The following WNT10A variants were observed in gnomAD, a reference collection of about 807,000 sequenced individuals.
WNT10A encodes protein Wnt-10a.
In WNT10A, 37 loss-of-function variants were observed where a neutral mutation model predicts 36.1. The ratio of observed to expected loss-of-function variants is 1.02; its 90% CI spans 0.79 to 1.35. WNT10A has a LOEUF of 1.35. Ranked by LOEUF, WNT10A falls within the 40% of genes most tolerant of loss-of-function variation. The probability of loss-of-function intolerance (pLI) is 0.00; values close to 1 mark genes in which losing one functional copy is unlikely to be tolerated. For synonymous variants in WNT10A, 255 were observed against 254.1 expected, an observed-to-expected ratio of 1.00 and a Z score of -0.03; for missense variants, 613 against 601.4, an observed-to-expected ratio of 1.02 and a Z score of -0.20.
At position 218,881,084 on chromosome 2, in the gene WNT10A, T is replaced by C. The variant is rs1384152431; in HGVS notation, c.89T>C (p.Leu30Pro). The change falls in exon 1 of 4, where the codon CTG (leucine) becomes CCG (proline). Residue 30 changes from leucine (L) to proline (P), a missense_variant. Leu to Pro is a moderately conservative substitution (Grantham distance 98). Transcript: ENST00000258411. ...CTCTGGGTGCTCCTGTTCTTCCTAC[T>C]GCTGCTGGCTGCTGCCATGCCCAGG... ...PALWVLLFFLLLLAAAMPRSA... is the reference protein window; with the variant it reads ...PALWVLLFFLPLLAAAMPRSA... 1 of 1,601,456 alleles carries C rather than the reference T, an allele frequency of 6.2e-7. No individual in the cohort carries two copies. The highest frequency in any genetic ancestry group is 8.5e-7 in the Non-Finnish European group (1 of 1,174,148).
At position 218,893,299 on chromosome 2, in the gene WNT10A, C is replaced by T; in HGVS notation, c.*28C>T. The T allele has an allele frequency of 6.5e-7, 1 of 1,534,694 alleles. No individual in the cohort carries two copies. Among genetic ancestry groups the T allele is most frequent in the Non-Finnish European group, 8.7e-7 (1 of 1,145,594 alleles). On this transcript the variant is annotated 3_prime_UTR_variant, in exon 4 of 4. Transcript: ENST00000258411. This position sits in a 1 kb window ranked among gnomAD's most constrained non-coding sequence, Gnocchi z 6.3. ...GGCCCGGGGTCCCCTGGGCCCTGAT[C>T]GAGGTCCCCTCCTGGAGCCTGGCCC...
chr2:218,893,406 C>A lies in WNT10A; in HGVS notation c.*135C>A, dbSNP rs1944681501. ...TTGGACCACATGATCTTATAGGAAC[C>A]CCTCAGCTCTGAGGTCTGTGATCGC... On this transcript the variant is annotated 3_prime_UTR_variant, in exon 4 of 4. Coordinates refer to ENST00000258411, the MANE Select transcript of WNT10A (RefSeq NM_025216.3). This position sits in a 1 kb window ranked among gnomAD's most constrained non-coding sequence, Gnocchi z 6.3. 2 of 1,283,152 alleles carry A rather than the reference C, an allele frequency of 1.6e-6. No homozygotes were observed. Among genetic ancestry groups the A allele is most frequent in the African/African-American group, 1.5e-5 (1 of 66,588 alleles). 79.5% of individuals were successfully genotyped at this position (1,283,152 alleles called of 1,614,324 possible).
chr2:218,877,605 G>C (rs1944464125), upstream of WNT10A, among the ~76,000 whole-genome samples: 1 of 152,168 alleles, frequency 6.6e-6, no homozygotes, highest in South Asian at 2.1e-4. The surrounding 1 kb of genome is among the most constrained non-coding windows in gnomAD (Gnocchi z 4.1). Context: ...AGTGCAAAGA[G>C]GCACCCCAGA....
chr2:218,874,756 A>T, the WNT10A span, among the ~76,000 whole-genome samples: 1 of 152,238 alleles, frequency 6.6e-6, no homozygotes, highest in Non-Finnish European at 1.5e-5. Flanking sequence ...TTGGGGTCAG[A>T]CACTCTGGGT....
upstream of WNT10A, among the ~76,000 whole-genome samples, chr2:218,879,944 C>A (rs914192688): frequency 5.9e-5 from 9 of 152,202 alleles, no homozygotes; most frequent in African/African-American, 1.9e-4. Context: ...GACACTGCTG[C>A]CTCCCCGGGC....
chr2:218,880,344 A>G (rs1278617187), upstream of WNT10A: 1 of 152,426 alleles, frequency 6.6e-6, no homozygotes, highest in Non-Finnish European at 1.5e-5. The surrounding 1 kb of genome is among the most constrained non-coding windows in gnomAD (Gnocchi z 7.7). Context: ...ACAGACCCCA[A>G]CACCTTTCCC....
At chr2:218,884,654 G>T (rs970743678) in intron 2 of WNT10A, among the ~76,000 whole-genome samples, 2 of 152,104 alleles carry the variant, frequency 1.3e-5, no homozygotes, top group Non-Finnish European at 2.9e-5. Context: ...CCACCTGCAG[G>T]TTCATCCTCC....
At position 218,892,853 on chromosome 2, in the gene WNT10A, T is replaced by G; in HGVS notation, c.836T>G (p.Val279Gly). 6.3e-7 allele frequency: 1 copy of G among 1,587,190 alleles called. No homozygotes were observed. Among genetic ancestry groups the G allele is most frequent in the African/African-American group, 1.3e-5 (1 of 74,572 alleles). The stretch of plus-strand genomic sequence containing the variant: ...TGCCAGCTCAAGACGTGCTGGCAGG[T>G]GACGCCCGAGTTCCGCACCGTGGGG... ...GSCQLKTCWQVTPEFRTVGAL... is the reference protein window; with the variant it reads ...GSCQLKTCWQGTPEFRTVGAL... Residue 279 changes from valine to glycine, a missense_variant, in exon 4 of 4, where the codon GTG becomes GGG. Val to Gly is a moderately radical substitution (Grantham distance 109). Coordinates refer to ENST00000258411, the MANE Select transcript of WNT10A (RefSeq NM_025216.3).
upstream of WNT10A, among the ~76,000 whole-genome samples, chr2:218,878,292 C>T (rs1031348412): frequency 6.6e-6 from 1 of 152,176 alleles, no homozygotes; most frequent in Non-Finnish European, 1.5e-5. This position sits in a 1 kb window ranked among gnomAD's most constrained non-coding sequence, Gnocchi z 4.1. Context: ...CCCCTCCCTT[C>T]ACTGAGAAGT....
chr2:218,875,172 T>C, the WNT10A span, among the ~76,000 whole-genome samples: 1,250 of 43,770 alleles, frequency 0.029, 19 homozygotes, highest in African/African-American at 0.17. Context: ...TTTTTTTTTT[T>C]TTTTTTTTTT....
At chr2:218,880,023 AG>A (rs1248362397), upstream of WNT10A, among the ~76,000 whole-genome samples, 1 of 152,158 alleles carries the variant, frequency 6.6e-6, no homozygotes, top group African/African-American at 2.4e-5. This position sits in a 1 kb window ranked among gnomAD's most constrained non-coding sequence, Gnocchi z 7.7. Context: ...CTCCGTGAGC[AG>A]GAGCAGGAGG....
rs116998555 is a variant in WNT10A at position 218,890,118 on chromosome 2, C to T, written c.511C>T (p.Arg171Cys). The T allele has an allele frequency of 1.9e-3, 3,009 of 1,614,136 alleles. 13 individuals are homozygous for T. Among genetic ancestry groups the T allele is most frequent in the East Asian group, 0.014 (607 of 44,880 alleles). ...CCGGCGAGGGGACGAGGAGGCCTTC[C>T]GTAGGAAGCTGCACCGCTTACAACT... ...ASRRGDEEAF[R>C]RKLHRLQLDA... Residue 171 changes from arginine to cysteine, a missense_variant, in exon 3 of 4, where the codon CGT becomes TGT. Physicochemically the swap from Arg to Cys is radical, Grantham distance 180. Transcript: ENST00000258411.
upstream of WNT10A, chr2:218,880,515 A>T: frequency 6.3e-6 from 1 of 157,508 alleles, no homozygotes. This position sits in a 1 kb window ranked among gnomAD's most constrained non-coding sequence, Gnocchi z 7.7. Context: ...GGAAGGCGGC[A>T]GAGCTCCCCG....
chr2:218,882,559 C>T, intron 2 of WNT10A, 136 bp downstream of exon 2: 1 of 1,167,260 alleles, frequency 8.6e-7, no homozygotes, highest in Non-Finnish European at 1.2e-6. Flanking sequence ...GGCCCTGCTG[C>T]TCTCCTTCCT....
chr2:218,877,676 G>A (rs965022143), upstream of WNT10A, among the ~76,000 whole-genome samples: 2 of 152,198 alleles, frequency 1.3e-5, no homozygotes, highest in African/African-American at 4.8e-5. The surrounding 1 kb of genome is among the most constrained non-coding windows in gnomAD (Gnocchi z 4.1). Context: ...GAGGCCGAGT[G>A]GAAGGCCTAG....
intron 3 of WNT10A, 28 bp downstream of exon 3, chr2:218,890,391 C>G: frequency 1.9e-6 from 3 of 1,599,120 alleles, no homozygotes; most frequent in Non-Finnish European, 2.5e-6. Flanking sequence ...GGGTCTGCTT[C>G]AAATCTCTTT....
In WNT10A at chr2:218,893,052, CT is replaced by C. The variant is rs761182689; in HGVS notation, c.1036del (p.Cys346AlafsTer92). ...TCTACTTCGAAAAGTCTCCCGACTT[CT>C]GCGAGCGCGAGCCGCGCCTGGACTC... ...LVYFEKSPDF[C>X]EREPRLDSAG... is the part of the protein sequence containing the mutation. On this transcript the variant is annotated frameshift_variant, in exon 4 of 4. Coordinates refer to ENST00000258411, the MANE Select transcript of WNT10A (RefSeq NM_025216.3). LOFTEE classifies it high-confidence loss of function. This position sits in a 1 kb window ranked among gnomAD's most constrained non-coding sequence, Gnocchi z 6.3. 1 of 1,596,434 alleles carries C rather than the reference CT, an allele frequency of 6.3e-7. No individual in the cohort carries two copies. Among genetic ancestry groups the C allele is most frequent in the East Asian group, 2.2e-5 (1 of 44,800 alleles).
In WNT10A at chr2:218,892,961, CG is replaced by C. The variant is rs775990266; in HGVS notation, c.949del (p.Ala317HisfsTer121). 2.8e-6 allele frequency: 4 copies of C among 1,438,922 alleles called. No individual in the cohort carries two copies. In the South Asian group the frequency reaches 4.3e-5, roughly 16 times the overall value. 89.1% of individuals were successfully genotyped at this position (1,438,922 alleles called of 1,614,324 possible). A position where few individuals can be genotyped will look rare whatever the true frequency, so the allele number is the denominator to read the frequency against. ...RNGGQLEPGPAGAPSPAPGAP... is the reference protein window; with the variant it reads ...RNGGQLEPGPXGAPSPAPGAP... ...GGCGGCCAGCTGGAGCCGGGCCCAG[CG>C]GGGGCACCCTCGCCGGCTCCGGGCG... is the stretch of plus-strand genomic sequence containing the variant. On this transcript the variant is annotated frameshift_variant, in exon 4 of 4. Transcript: ENST00000258411. LOFTEE classifies it high-confidence loss of function.
chr2:218,882,515 C>A, intron 2 of WNT10A, 92 bp downstream of exon 2: 1 of 1,517,308 alleles, frequency 6.6e-7, no homozygotes, highest in Non-Finnish European at 9.0e-7. Flanking sequence ...CTGCCTCAAG[C>A]TGGCATCCTC....
Sources: gnomAD v4.1 joint callset for allele counts (sites outside exome capture counted in the v4.1 genomes callset) on GRCh38, gnomAD v4.1.1 for gene constraint, Gnocchi (gnomAD v3.1) non-coding constraint, MANE v1.5 for transcripts, NCBI Gene and HGNC (gene_info 2026-07-23, HGNC 2026-07-21) for gene names.